ROCK2: variants seen among roughly 807,000 people sequenced by gnomAD.
ROCK2 encodes Rho associated coiled-coil containing protein kinase 2, also known as rho-associated protein kinase 2.
In ROCK2, 61 loss-of-function variants were observed where a neutral mutation model predicts 195.1. That is an observed-to-expected ratio of 0.31 (90% confidence interval 0.25 to 0.39). The LOEUF (loss-of-function observed/expected upper bound fraction) is 0.39, where lower values mean the gene tolerates loss of function less well. Among genes scored for constraint, ROCK2 ranks in the 10% least tolerant of loss-of-function variants. The probability of loss-of-function intolerance (pLI) is 1.00; values close to 1 mark genes in which losing one functional copy is unlikely to be tolerated. For missense variants in ROCK2, 1,109 were observed against 1,637.4 expected (o/e 0.68, Z 5.57); for synonymous variants, 504 against 545.5 (o/e 0.92, Z 1.06).
At chr2:11,283,587 C>CAAGAAAGAAAAAAAGA (rs1667090680) in intron 3 of ROCK2, among the ~76,000 whole-genome samples, 1 of 126,484 alleles carries the variant, frequency 7.9e-6, no homozygotes, top group Non-Finnish European at 1.6e-5. Context: ...AAAAAAAAAG[C>CAAGAAAGAAAAAAAGA]AAGAAAGAAA....
chr2:11,234,450 T>A (rs1226983612), intron 5 of ROCK2: 1 of 152,282 alleles, frequency 6.6e-6, no homozygotes, highest in East Asian at 1.9e-4. Flanking sequence ...TAGGAAATTA[T>A]TTCATACTTC....
intron 32 of ROCK2, among the ~76,000 whole-genome samples, chr2:11,185,463 T>G (rs773634392): frequency 6.6e-6 from 1 of 152,214 alleles, no homozygotes; most frequent in Non-Finnish European, 1.5e-5. Flanking sequence ...ATGCGGTGGC[T>G]CACGTCTGTA....
chr2:11,194,008 TTAAGA>T (rs1663533259), intron 29 of ROCK2, 151 bp from the exon 30 acceptor site: 1 of 439,302 alleles, frequency 2.3e-6, no homozygotes. Context: ...CTATAATTAA[TTAAGA>T]TTTTTAGAAA....
intron 20 of ROCK2, among the ~76,000 whole-genome samples, chr2:11,204,136 A>T (rs1397493474): frequency 1.3e-5 from 2 of 152,158 alleles, no homozygotes; most frequent in Admixed American, 6.5e-5. Context: ...TAGAAGAAAT[A>T]ACTGTTTCAT....
At chr2:11,294,431 T>C (rs1040079999) in intron 1 of ROCK2, among the ~76,000 whole-genome samples, 2 of 152,182 alleles carry the variant, frequency 1.3e-5, no homozygotes, top group Admixed American at 6.5e-5. Flanking sequence ...GTGTTAATTA[T>C]ATGGTGTTAA....
intron 1 of ROCK2, among the ~76,000 whole-genome samples, chr2:11,305,937 C>T (rs1227745696): frequency 1.3e-5 from 2 of 152,106 alleles, no homozygotes; most frequent in African/African-American, 4.8e-5. Flanking sequence ...CAAGAGGACA[C>T]ATAAGCCAGT....
At chr2:11,331,025 AGGAGGAGGGAGGAGGAG>A (rs1668746538) in intron 1 of ROCK2, among the ~76,000 whole-genome samples, 3 of 63,498 alleles carry the variant, frequency 4.7e-5, no homozygotes, top group African/African-American at 6.2e-5. Flanking sequence ...AGAAGGAGGG[AGGAGGAGGGAGGAGGAG>A]GGAGGAGGAG....
At chr2:11,282,676 T>C (rs552161425) in intron 3 of ROCK2, among the ~76,000 whole-genome samples, 13 of 147,338 alleles carry the variant, frequency 8.8e-5, no homozygotes, top group African/African-American at 3.2e-4. Context: ...AAAACCTAAA[T>C]TATCTTGATT....
intron 1 of ROCK2, among the ~76,000 whole-genome samples, chr2:11,335,162 G>C (rs1181494488): frequency 6.6e-6 from 1 of 150,506 alleles, no homozygotes; most frequent in Non-Finnish European, 1.5e-5. Context: ...CACACACACG[G>C]AAGGGGAAGG....
chr2:11,250,208 C>A (rs1665782778), intron 3 of ROCK2, among the ~76,000 whole-genome samples: 1 of 152,210 alleles, frequency 6.6e-6, no homozygotes, highest in South Asian at 2.1e-4. Context: ...CCCTCACTAT[C>A]TGCCCGTAAG....
intron 4 of ROCK2, 65 bp downstream of exon 4, chr2:11,249,596 C>T (rs186840785): frequency 7.9e-7 from 1 of 1,262,194 alleles, no homozygotes; most frequent in East Asian, 2.7e-5. Context: ...ACACAAAAAT[C>T]AACTCATGAA....
intron 32 of ROCK2, among the ~76,000 whole-genome samples, chr2:11,186,925 T>C (rs541741156): frequency 1.4e-4 from 21 of 152,304 alleles, no homozygotes; most frequent in Non-Finnish European, 2.2e-4. Flanking sequence ...TGTTCATCCC[T>C]ATATTATAAA....
chr2:11,282,345 C>T lies in ROCK2; in HGVS notation c.324+4194G>A, dbSNP rs114183381. Among the ~76,000 whole-genome samples, 816 of 151,784 alleles carry T rather than the reference C, an allele frequency of 5.4e-3. 2 individuals carry two copies. Among genetic ancestry groups the T allele is most frequent in the African/African-American group, 0.019 (787 of 41,368 alleles). On this transcript the variant is annotated intron_variant, in intron 3 of 32. Transcript: ENST00000315872. The stretch of plus-strand genomic sequence containing the variant: ...CAGCCTGCGCAACAGAGGAAGATGC[C>T]GTCTCAAAAAATAATAATTAAAAAT...
chr2:11,230,467 A>T (rs1439055193), intron 5 of ROCK2, among the ~76,000 whole-genome samples: 1 of 152,162 alleles, frequency 6.6e-6, no homozygotes, highest in African/African-American at 2.4e-5. Context: ...ATCATAGTAC[A>T]GAAAGAACTA....
chr2:11,268,290 T>C (rs940958096), intron 3 of ROCK2, among the ~76,000 whole-genome samples: 1 of 152,128 alleles, frequency 6.6e-6, no homozygotes, highest in Non-Finnish European at 1.5e-5. Context: ...GACCCAGTTA[T>C]AGGTGAGACC....
At chr2:11,310,966 C>G (rs1473801855) in intron 1 of ROCK2, among the ~76,000 whole-genome samples, 4 of 151,036 alleles carry the variant, frequency 2.6e-5, no homozygotes, top group Non-Finnish European at 5.9e-5. Context: ...CAGTTTTGTC[C>G]TGTCTCTGAG....
At position 11,344,336 on chromosome 2, in the gene ROCK2, A is replaced by AGCCCGGCCCGGCCCT; in HGVS notation, c.-215_-201dup. 1 of 1,149,194 alleles carries AGCCCGGCCCGGCCCT rather than the reference A, an allele frequency of 8.7e-7. No individual in the cohort carries two copies. The highest frequency in any genetic ancestry group is 1.6e-5 in the African/African-American group (1 of 61,772). 71.2% of individuals were successfully genotyped at this position (1,149,194 alleles called of 1,614,324 possible). A position where few individuals can be genotyped will look rare whatever the true frequency, so the allele number is the denominator to read the frequency against. On this transcript the variant is annotated 5_prime_UTR_variant, in exon 1 of 33. Coordinates refer to ENST00000315872, the MANE Select transcript of ROCK2 (RefSeq NM_004850.5). This position sits in a 1 kb window ranked among gnomAD's most constrained non-coding sequence, Gnocchi z 5.4. ...GGGCCCGCCCGGCCCAGCCCGGCCCAGCCCGGCCCGGCCCTGCCGGGAGCG... is the reference window on the plus strand; with the variant it reads ...GGGCCCGCCCGGCCCAGCCCGGCCCAGCCCGGCCCGGCCCTGCCCGGCCCGGCCCTGCCGGGAGCG...
chr2:11,328,521 CAAG>C (rs1306599850), intron 1 of ROCK2, among the ~76,000 whole-genome samples: 2 of 152,170 alleles, frequency 1.3e-5, no homozygotes, highest in African/African-American at 4.8e-5. Context: ...TACTCACAAT[CAAG>C]AAGATAATCA....
chr2:11,283,569 A>G (rs2148188175), intron 3 of ROCK2, among the ~76,000 whole-genome samples: 2 of 116,906 alleles, frequency 1.7e-5, no homozygotes, highest in Non-Finnish European at 3.7e-5. Flanking sequence ...CTCCGTCTCA[A>G]AAAAAAAAAA....
Sources: gnomAD v4.1 joint callset for allele counts (sites outside exome capture counted in the v4.1 genomes callset) on GRCh38, gnomAD v4.1.1 for gene constraint, Gnocchi (gnomAD v3.1) non-coding constraint, MANE v1.5 for transcripts, NCBI Gene and HGNC (gene_info 2026-07-23, HGNC 2026-07-21) for gene names.